Variants in MED15 observed in about 807,000 individuals in gnomAD.
MED15 encodes mediator complex subunit 15.
MED15 carries 41 observed loss-of-function variants against 118.7 expected under a neutral mutation model. The observed-to-expected ratio is 0.35, with a 90% CI of 0.27 to 0.45. MED15 has a LOEUF of 0.45. Ranked by LOEUF, MED15 falls within the 20% of genes least tolerant of loss-of-function variation. MED15 has a pLI of 1.00. For missense variants in MED15, 740 were observed against 1,025.5 expected, an observed-to-expected ratio of 0.72 and a Z score of 3.80; for synonymous variants, 436 against 413.9, an observed-to-expected ratio of 1.05 and a Z score of -0.65.
At chr22:20,538,389 A>G (rs79571879) in intron 2 of MED15, among the ~76,000 whole-genome samples, 2 of 152,130 alleles carry the variant, frequency 1.3e-5, no homozygotes, top group East Asian at 1.9e-4. Flanking sequence ...AGCTGGGACT[A>G]CAGGCATGTG....
At chr22:20,585,484 C>T (rs1313781641) in intron 16 of MED15, 3 of 735,376 alleles carry the variant, frequency 4.1e-6, no homozygotes, top group Non-Finnish European at 6.6e-6. Context: ...ACCTCCCCAA[C>T]ACAGATGTGG....
At chr22:20,521,599 T>C (rs907594150) in intron 1 of MED15, among the ~76,000 whole-genome samples, 71 of 148,950 alleles carry the variant, frequency 4.8e-4, no homozygotes, top group African/African-American at 1.7e-3. Flanking sequence ...GGTTTCACCA[T>C]GTTAGCCAGG....
chr22:20,549,485 G>T (rs2055686617), intron 2 of MED15, among the ~76,000 whole-genome samples: 2 of 152,046 alleles, frequency 1.3e-5, no homozygotes, highest in African/African-American at 4.8e-5. Flanking sequence ...GGATGGTGAG[G>T]AGTCAGGAGT....
At chr22:20,536,143 T>C (rs999645135) in intron 1 of MED15, among the ~76,000 whole-genome samples, 2 of 152,172 alleles carry the variant, frequency 1.3e-5, no homozygotes, top group African/African-American at 2.4e-5. Flanking sequence ...CCCAAAGTGT[T>C]GGGATTACAG....
At chr22:20,584,555 G>T (rs558108057) in intron 14 of MED15, 130 bp downstream of exon 14, 3 of 1,116,992 alleles carry the variant, frequency 2.7e-6, no homozygotes, top group Non-Finnish European at 4.0e-6. Flanking sequence ...CCCTGCCCAC[G>T]AGGCTTCCTG....
chr22:20,537,852 A>G (rs1297711742), intron 2 of MED15, among the ~76,000 whole-genome samples: 2 of 152,210 alleles, frequency 1.3e-5, no homozygotes, highest in South Asian at 4.1e-4. Context: ...GCAGAGCTGC[A>G]AGAGCACAGG....
At chr22:20,525,320 G>T (rs907122182) in intron 1 of MED15, among the ~76,000 whole-genome samples, 3 of 146,676 alleles carry the variant, frequency 2.0e-5, no homozygotes, top group African/African-American at 5.0e-5. Flanking sequence ...GAGTTTTTTT[G>T]TTTTTTTTTT....
intron 1 of MED15, among the ~76,000 whole-genome samples, chr22:20,511,244 C>T (rs2054052531): frequency 6.6e-6 from 1 of 152,150 alleles, no homozygotes. Flanking sequence ...GGCACCGTGA[C>T]TCACACCTGT....
chr22:20,541,407 A>T (rs949263066), intron 2 of MED15, among the ~76,000 whole-genome samples: 2 of 152,222 alleles, frequency 1.3e-5, no homozygotes, highest in South Asian at 4.1e-4. Flanking sequence ...CCACAATGAG[A>T]TGCCACTTCA....
At chr22:20,524,645 G>A (rs1308303657) in intron 1 of MED15, among the ~76,000 whole-genome samples, 2 of 152,084 alleles carry the variant, frequency 1.3e-5, no homozygotes, top group African/African-American at 4.8e-5. Flanking sequence ...GTTTTGAGAC[G>A]GAGTCTAGCT....
At chr22:20,568,085 C>T (rs1216834092) in intron 7 of MED15, among the ~76,000 whole-genome samples, 1 of 152,248 alleles carries the variant, frequency 6.6e-6, no homozygotes, top group Non-Finnish European at 1.5e-5. Flanking sequence ...AAGCGATCCA[C>T]TGGCCTTGGC....
chr22:20,552,801 T>C (rs74478507), intron 3 of MED15: 13 of 302,870 alleles, frequency 4.3e-5, no homozygotes, highest in Non-Finnish European at 7.6e-5. Flanking sequence ...GTTCCTGTAG[T>C]GTTCTATTAT....
chr22:20,587,000 C>CGGTCCA lies in MED15; in HGVS notation c.*303_*308dup, dbSNP rs2057154930. 2.1e-6 allele frequency: 1 copy of CGGTCCA among 477,982 alleles called. No homozygotes were observed. The highest frequency in any genetic ancestry group is 3.8e-6 in the Non-Finnish European group (1 of 262,138). 29.6% of individuals were successfully genotyped at this position (477,982 alleles called of 1,614,324 possible). On this transcript the variant is annotated 3_prime_UTR_variant, in exon 18 of 18. Coordinates refer to ENST00000263205, the MANE Select transcript of MED15 (RefSeq NM_001003891.3). The stretch of plus-strand genomic sequence containing the variant: ...GGCTGCTCTCACCGTGGCCTGTCCA[C>CGGTCCA]GGTCCAGGTCCATCTCAGCAGCGTG...
chr22:20,536,875 T>C (rs529399452), intron 1 of MED15, among the ~76,000 whole-genome samples: 1 of 152,336 alleles, frequency 6.6e-6, no homozygotes, highest in East Asian at 1.9e-4. Flanking sequence ...CAGGGCTCTC[T>C]CTTTGCTTCA....
chr22:20,528,580 G>A (rs995249901), intron 1 of MED15, among the ~76,000 whole-genome samples: 4 of 152,166 alleles, frequency 2.6e-5, no homozygotes, highest in Admixed American at 1.3e-4. Flanking sequence ...GTTCCTAACA[G>A]CCCACAGACC....
chr22:20,575,060 C>T (rs1479968086), intron 8 of MED15, 53 bp from the exon 9 acceptor site: 2 of 1,607,742 alleles, frequency 1.2e-6, no homozygotes, highest in African/African-American at 2.7e-5. Flanking sequence ...CCTGCCCAGG[C>T]ACTGAGTTTC....
At chr22:20,538,352 C>A (rs746698002) in intron 2 of MED15, among the ~76,000 whole-genome samples, 2 of 152,060 alleles carry the variant, frequency 1.3e-5, no homozygotes, top group African/African-American at 2.4e-5. Context: ...CGGGCTTAGG[C>A]GATCCTCCTT....
intron 1 of MED15, among the ~76,000 whole-genome samples, chr22:20,535,868 CTTTCTTTTT>C (rs1278338032): frequency 2.1e-5 from 2 of 95,128 alleles, no homozygotes; most frequent in East Asian, 6.6e-4. Flanking sequence ...CTGCTTCTTT[CTTTCTTTTT>C]TTTTTTTTTT....
intron 1 of MED15, among the ~76,000 whole-genome samples, chr22:20,515,055 C>T (rs531619534): frequency 1.3e-5 from 2 of 152,300 alleles, no homozygotes; most frequent in East Asian, 3.9e-4. Flanking sequence ...GCCCCAGTGC[C>T]CCATAGGGCT....
Sources: allele counts gnomAD v4.1 joint callset (sites outside exome capture counted in the v4.1 genomes callset), GRCh38; gene constraint gnomAD v4.1.1; transcripts MANE v1.5; gene names NCBI Gene and HGNC (gene_info 2026-07-23, HGNC 2026-07-21).